MCF2: variants seen among roughly 807,000 people sequenced by gnomAD.
MCF2 encodes the protein MCF.2 cell line derived transforming sequence.
In MCF2, 44 loss-of-function variants were observed where a neutral mutation model predicts 82.5. The observed-to-expected ratio is 0.53, with a 90% CI of 0.42 to 0.69. The LOEUF is 0.69. MCF2 is among the 30% of genes least tolerant of loss of function. The probability of loss-of-function intolerance (pLI) is 0.00; values close to 1 mark genes in which losing one functional copy is unlikely to be tolerated. For missense variants in MCF2, 623 were observed against 663.1 expected (o/e 0.94, Z 0.66); for synonymous variants, 217 against 224.9 (o/e 0.96, Z 0.32).
At chrX:139,619,787 CA>C (rs1364224051) in intron 6 of MCF2, 81 bp from the exon 10 acceptor site, 7 of 722,491 alleles carry the variant, frequency 9.7e-6, no homozygotes, top group Non-Finnish European at 1.4e-5. Flanking sequence ...TGCTTTTAAA[CA>C]AAAATATTGA....
At chrX:139,632,524 G>A (rs886285660) in intron 1 of MCF2, 70 bp from the exon 5 acceptor site, 7 of 913,520 alleles carry the variant, frequency 7.7e-6, no homozygotes, top group Non-Finnish European at 9.0e-6. Context: ...GCACATATCA[G>A]AAAATATGTA....
chrX:139,588,320 A>T (rs1929165501), intron 21 of MCF2, 40 bp downstream of exon 25: 1 of 1,039,415 alleles, frequency 9.6e-7, no homozygotes, highest in Non-Finnish European at 1.3e-6. Context: ...ATAAGCTGTT[A>T]CTATACTTCT....
chrX:139,692,927 C>A (rs1403483788), intron 1 of MCF2, among the ~76,000 whole-genome samples: 1 of 112,549 alleles, frequency 8.9e-6, no homozygotes, highest in Non-Finnish European at 1.9e-5. Context: ...CGCCAAGCCT[C>A]CTGTATAGAC....
chrX:139,619,754 T>C (rs1350390842), intron 6 of MCF2, 48 bp from the exon 10 acceptor site: 8 of 994,910 alleles, frequency 8.0e-6, no homozygotes, highest in Non-Finnish European at 9.4e-6. Context: ...ATTTATCCCC[T>C]TATGATCAAG....
At chrX:139,679,534 A>G (rs1470466783) in intron 1 of MCF2, among the ~76,000 whole-genome samples, 2 of 110,702 alleles carry the variant, frequency 1.8e-5, no homozygotes, top group Non-Finnish European at 3.8e-5. Flanking sequence ...CACTGGGGAT[A>G]GATACAGAAA....
In MCF2 at chrX:139,642,479, T is replaced by C; in HGVS notation, c.40A>G (p.Arg14Gly). Residue 14 changes from arginine to glycine, a missense_variant, in exon 1 of 25, where the codon AGA becomes GGA. Coordinates refer to ENST00000370576, the Ensembl canonical transcript of MCF2. ...GACAGAGCCCTTACCGCATTCCTTCTGAACCTCATCTTGCCTCTCCGGGGA... is the reference window on the plus strand; with the variant it reads ...GACAGAGCCCTTACCGCATTCCTTCCGAACCTCATCTTGCCTCTCCGGGGA... 1 of 1,211,751 alleles carries C rather than the reference T, an allele frequency of 8.3e-7. No homozygotes were observed. The highest frequency in any genetic ancestry group is 1.1e-6 in the Non-Finnish European group (1 of 895,390).
At chrX:139,624,301 G>T (rs1045297686) in intron 6 of MCF2, among the ~76,000 whole-genome samples, 1 of 111,048 alleles carries the variant, frequency 9.0e-6, no homozygotes, top group African/African-American at 3.3e-5. Flanking sequence ...AGCACTTTGG[G>T]AGGCTGAGGC....
At chrX:139,598,356 C>A in intron 17 of MCF2, 50 bp downstream of exon 21, 1 of 824,660 alleles carries the variant, frequency 1.2e-6, no homozygotes, top group South Asian at 2.1e-5. Context: ...ATGGCTCTGT[C>A]ATATCTGACT....
At chrX:139,676,320 T>C (rs1289017926) in intron 1 of MCF2, among the ~76,000 whole-genome samples, 2 of 111,877 alleles carry the variant, frequency 1.8e-5, no homozygotes, top group Non-Finnish European at 3.8e-5. Context: ...TCACCCTCCA[T>C]GCGCTGCACC....
At chrX:139,603,792 AC>A (rs1020054670) in intron 15 of MCF2, among the ~76,000 whole-genome samples, 1 of 111,897 alleles carries the variant, frequency 8.9e-6, no homozygotes, top group Non-Finnish European at 1.9e-5. Flanking sequence ...CCGAGATCAC[AC>A]CACTGAACTC....
chrX:139,658,667 GTTT>G (rs1182070757), intron 1 of MCF2, among the ~76,000 whole-genome samples: 8 of 56,618 alleles, frequency 1.4e-4, no homozygotes, highest in East Asian at 6.0e-4. Context: ...AAAAAGATGT[GTTT>G]TTTTTTTTTT....
Position 139,604,848 on chromosome X carries a change from T to C in MCF2, c.1673+21A>G, listed in dbSNP as rs765172964. On this transcript the variant is annotated intron_variant, in intron 14 of 24. Coordinates refer to ENST00000370576, the Ensembl canonical transcript of MCF2. ...TAAATAGTTTTATAAAAAATAAATATTCAATTCAGCAATTACATACTCGTT... is the reference window on the plus strand; with the variant it reads ...TAAATAGTTTTATAAAAAATAAATACTCAATTCAGCAATTACATACTCGTT... The C allele has an allele frequency of 6.5e-6, 7 of 1,076,837 alleles. No individual in the cohort carries two copies. The South Asian group carries it at 8.0e-5, about 12-fold the overall frequency. 88.7% of individuals were successfully genotyped at this position (1,076,837 alleles called of 1,213,427 possible). A position where few individuals can be genotyped will look rare whatever the true frequency, so the allele number is the denominator to read the frequency against.
At chrX:139,623,379 A>G (rs1932546608) in intron 6 of MCF2, among the ~76,000 whole-genome samples, 1 of 111,715 alleles carries the variant, frequency 9.0e-6, no homozygotes, top group South Asian at 3.8e-4. Flanking sequence ...CAAATACATC[A>G]TGGAATACTA....
intron 1 of MCF2, among the ~76,000 whole-genome samples, chrX:139,668,614 T>C (rs937707444): frequency 9.0e-6 from 1 of 111,592 alleles, no homozygotes; most frequent in African/African-American, 3.3e-5. Context: ...TTCTCTTTCC[T>C]TGATTTTGGT....
At chrX:139,656,155 G>A (rs1012573080) in intron 1 of MCF2, among the ~76,000 whole-genome samples, 2 of 111,849 alleles carry the variant, frequency 1.8e-5, no homozygotes, top group Admixed American at 9.5e-5. Flanking sequence ...TCTGCCTCCC[G>A]GGTTGACACC....
chrX:139,595,565 C>T (rs1383606411), intron 19 of MCF2, among the ~76,000 whole-genome samples: 34 of 66,654 alleles, frequency 5.1e-4, no homozygotes, highest in East Asian at 1.5e-3. Context: ...CATCACACTC[C>T]GGGGACTGTT....
At position 139,665,897 on chromosome X, in the gene MCF2, GTATATA is replaced by G. The variant is rs761065038; in HGVS notation, c.-44-14115_-44-14110del. ...TTATGGGTACATGGTAGGTGTGTGT[GTATATA>G]TATATATATATATATATATATATAC... On this transcript the variant is annotated intron_variant, in intron 1 of 27. Transcript: ENST00000414978. Among the ~76,000 whole-genome samples, 65 of 68,550 alleles carry G rather than the reference GTATATA, an allele frequency of 9.5e-4. 2 individuals carry two copies. In the South Asian group the frequency reaches 0.03, roughly 32 times the overall value. 59.5% of individuals were successfully genotyped at this position (68,550 alleles called of 115,157 possible).
intron 24 of MCF2, among the ~76,000 whole-genome samples, chrX:139,584,004 G>A (rs776847172): frequency 4.5e-5 from 5 of 110,649 alleles, no homozygotes; most frequent in South Asian, 3.8e-4. Flanking sequence ...TTTGGGAAAC[G>A]GTAAACTATC....
chrX:139,661,759 C>G (rs1407280702), intron 1 of MCF2, among the ~76,000 whole-genome samples: 1 of 111,006 alleles, frequency 9.0e-6, no homozygotes, highest in Non-Finnish European at 1.9e-5. Context: ...ACCTTAGAGC[C>G]AAGCACATAC....
Sources: allele counts gnomAD v4.1 joint callset (sites outside exome capture counted in the v4.1 genomes callset), GRCh38; gene constraint gnomAD v4.1.1; transcripts MANE v1.5; gene names NCBI Gene and HGNC (gene_info 2026-07-23, HGNC 2026-07-21).